Variants in ACOXL observed in about 807,000 individuals in gnomAD.
The protein encoded by ACOXL is acyl-coenzyme A oxidase-like protein.
Under a neutral mutation model 71.9 loss-of-function variants are expected in ACOXL, and 70 were observed. That is an observed-to-expected ratio of 0.97 (90% CI 0.80 to 1.19). ACOXL has a LOEUF of 1.19. Ranked by LOEUF, ACOXL falls within the 50% of genes most tolerant of loss-of-function variation. The probability of loss-of-function intolerance (pLI) is 0.00; values close to 1 mark genes in which losing one functional copy is unlikely to be tolerated. For synonymous variants in ACOXL, 253 were observed against 281.6 expected (o/e 0.90, Z 1.02); for missense variants, 703 against 736.3 (o/e 0.95, Z 0.52).
chr2:110,889,598 G>A (rs994504950), intron 10 of ACOXL, among the ~76,000 whole-genome samples: 9 of 152,162 alleles, frequency 5.9e-5, no homozygotes, highest in Non-Finnish European at 1.0e-4. Flanking sequence ...ATAATAGGTG[G>A]TCTTTTGGAA....
At chr2:110,960,561 A>G (rs866471636) in intron 12 of ACOXL, among the ~76,000 whole-genome samples, 1 of 150,618 alleles carries the variant, frequency 6.6e-6, no homozygotes, top group East Asian at 1.9e-4. Flanking sequence ...TCCTCCCTCC[A>G]TCCTTGTGAT....
intron 11 of ACOXL, among the ~76,000 whole-genome samples, chr2:110,915,350 A>ATATATATATATATATATATATATG (rs1491355100): frequency 1.1e-3 from 121 of 113,476 alleles, no homozygotes; most frequent in Non-Finnish European, 2.0e-3. Flanking sequence ...ATATATATAT[A>ATATATATATATATATATATATATG]TGTGTGTGTG....
At chr2:110,882,525 T>C (rs1026769107) in intron 10 of ACOXL, among the ~76,000 whole-genome samples, 2 of 152,182 alleles carry the variant, frequency 1.3e-5, no homozygotes, top group Non-Finnish European at 2.9e-5. Context: ...GGTCTTTTGG[T>C]TTTGTATCTA....
intron 9 of ACOXL, among the ~76,000 whole-genome samples, chr2:110,838,665 C>G (rs1690754783): frequency 6.6e-6 from 1 of 152,194 alleles, no homozygotes; most frequent in African/African-American, 2.4e-5. Flanking sequence ...CTGTTCCAAC[C>G]TGGGGTTTCA....
At chr2:110,845,731 A>G (rs1322345175) in intron 10 of ACOXL, among the ~76,000 whole-genome samples, 2 of 152,328 alleles carry the variant, frequency 1.3e-5, no homozygotes, top group Non-Finnish European at 2.9e-5. Flanking sequence ...ATAATTCTTC[A>G]AGATTCATGC....
chr2:110,801,143 C>T (rs1164807423), intron 7 of ACOXL, among the ~76,000 whole-genome samples: 1 of 152,334 alleles, frequency 6.6e-6, no homozygotes, highest in African/African-American at 2.4e-5. Context: ...CTGCTTCCCC[C>T]ACTTCCTGCT....
chr2:111,108,488 C>T (rs1049750700), intron 17 of ACOXL, among the ~76,000 whole-genome samples: 6 of 149,462 alleles, frequency 4.0e-5, no homozygotes, highest in South Asian at 2.1e-4. Flanking sequence ...AAGCGATTCT[C>T]CTGCCTCAGC....
chr2:110,908,687 T>C lies in ACOXL; in HGVS notation c.789-102T>C, dbSNP rs899933268. The C allele has an allele frequency of 5.7e-6, 5 of 873,108 alleles. No individual in the cohort carries two copies. The African/African-American group carries it at 8.3e-5, about 15-fold the overall frequency. The allele number at this position is 873,108 out of a possible 1,614,324, so 54.1% of individuals were successfully genotyped here. A position where few individuals can be genotyped will look rare whatever the true frequency, so the allele number is the denominator to read the frequency against. ...AAATTCAGATTTCTGCATTCTGGAG[T>C]CTTTGGAAGGCAAATGGCTAGCCAG... On this transcript the variant is annotated intron_variant, in intron 10 of 17. Transcript: ENST00000439055.
At chr2:111,018,602 G>T (rs1414586554) in intron 14 of ACOXL, among the ~76,000 whole-genome samples, 7 of 152,164 alleles carry the variant, frequency 4.6e-5, no homozygotes, top group Non-Finnish European at 7.3e-5. Context: ...GTTCTAGGGA[G>T]AGCCTTCTGA....
chr2:111,112,650 A>G (rs547880542), intron 17 of ACOXL, among the ~76,000 whole-genome samples: 2 of 152,350 alleles, frequency 1.3e-5, no homozygotes, highest in East Asian at 3.9e-4. Flanking sequence ...GAATAGGTGC[A>G]GGTTAACTAC....
intron 12 of ACOXL, among the ~76,000 whole-genome samples, chr2:110,961,375 T>A (rs1040070309): frequency 1.3e-5 from 2 of 152,224 alleles, no homozygotes; most frequent in African/African-American, 4.8e-5. Context: ...CCATTGCCTG[T>A]TCTTTTAGAG....
In ACOXL at chr2:110,993,004, A is replaced by G. The variant is rs538552749; in HGVS notation, c.1170-2889A>G. ...TTACTGTACCTGCTATATCACTATC[A>G]TATCTATGGATCTGTGTATGGAACT... On this transcript the variant is annotated intron_variant, in intron 13 of 17. Coordinates refer to ENST00000439055, the MANE Select transcript of ACOXL (RefSeq NM_001142807.4). 4.6e-5 allele frequency among the ~76,000 whole-genome samples: 7 copies of G among 152,344 alleles called. No individual in the cohort carries two copies. The East Asian group carries it at 1.3e-3, about 29-fold the overall frequency.
At chr2:111,013,252 C>T (rs537294470) in intron 14 of ACOXL, among the ~76,000 whole-genome samples, 12 of 152,108 alleles carry the variant, frequency 7.9e-5, no homozygotes, top group East Asian at 7.7e-4. Context: ...GGGCCAGGTG[C>T]GGTGGCTCAT....
intron 12 of ACOXL, among the ~76,000 whole-genome samples, chr2:110,980,895 T>A (rs977430144): frequency 2.6e-5 from 4 of 152,232 alleles, no homozygotes; most frequent in African/African-American, 9.6e-5. Flanking sequence ...GCAGCCCCTC[T>A]CTGTGCCCAC....
chr2:110,866,925 A>G (rs766830033), intron 10 of ACOXL, among the ~76,000 whole-genome samples: 11 of 152,098 alleles, frequency 7.2e-5, no homozygotes, highest in Admixed American at 2.0e-4. Context: ...AAGATGCACA[A>G]AGATGAGGTG....
At chr2:110,800,745 C>T (rs1685885893) in intron 7 of ACOXL, among the ~76,000 whole-genome samples, 1 of 152,124 alleles carries the variant, frequency 6.6e-6, no homozygotes, top group African/African-American at 2.4e-5. Flanking sequence ...GCCATGGCTG[C>T]AGGCATGGCC....
At chr2:110,853,615 G>A (rs535156022) in intron 10 of ACOXL, among the ~76,000 whole-genome samples, 1 of 152,326 alleles carries the variant, frequency 6.6e-6, no homozygotes, top group African/African-American at 2.4e-5. Context: ...GGAGAGAAGA[G>A]TAGTCCCTCC....
intron 10 of ACOXL, among the ~76,000 whole-genome samples, chr2:110,866,663 G>A (rs1273261876): frequency 6.6e-6 from 1 of 152,072 alleles, no homozygotes; most frequent in Admixed American, 6.5e-5. Flanking sequence ...CTCAAGCAGA[G>A]GTGAAAGTCT....
At chr2:111,117,252 G>A (rs2070425575) in intron 17 of ACOXL, among the ~76,000 whole-genome samples, 1 of 152,236 alleles carries the variant, frequency 6.6e-6, no homozygotes, top group Non-Finnish European at 1.5e-5. Flanking sequence ...GAGGCAAAGA[G>A]AGAGGAGCGG....
Sources: gnomAD v4.1 joint callset for allele counts (sites outside exome capture counted in the v4.1 genomes callset) on GRCh38, gnomAD v4.1.1 for gene constraint, MANE v1.5 for transcripts, NCBI Gene and HGNC (gene_info 2026-07-23, HGNC 2026-07-21) for gene names.